TRPS1: variants seen among roughly 807,000 people sequenced by gnomAD.
TRPS1 encodes the protein transcriptional repressor GATA binding 1.
TRPS1 carries 6 observed loss-of-function variants against 101.2 expected under a neutral mutation model. The observed-to-expected ratio is 0.06, with a 90% CI of 0.03 to 0.12. The LOEUF (loss-of-function observed/expected upper bound fraction) is 0.12, where lower values mean the gene tolerates loss of function less well. Among genes scored for constraint, TRPS1 ranks in the 10% least tolerant of loss-of-function variants. The pLI is 1.00. For missense variants in TRPS1, 1,363 were observed against 1,567.0 expected, an observed-to-expected ratio of 0.87 and a Z score of 2.20; for synonymous variants, 578 against 589.8, an observed-to-expected ratio of 0.98 and a Z score of 0.29.
chr8:115,563,287 T>G (rs1816991211), intron 5 of TRPS1, among the ~76,000 whole-genome samples: 1 of 152,018 alleles, frequency 6.6e-6, no homozygotes, highest in Non-Finnish European at 1.5e-5. Context: ...CATTTTCTTA[T>G]TCACCACTTA....
Position 115,604,382 on chromosome 8 carries a change from C to T in TRPS1, c.1587G>A (p.Glu529=), listed in dbSNP as rs556156448. Residue 529 remains glutamate (E), a synonymous_variant, in exon 4 of 7, where the codon GAG becomes GAA. Coordinates refer to ENST00000395715, the MANE Select transcript of TRPS1 (RefSeq NM_014112.5). The surrounding 1 kb of genome is among the most constrained non-coding windows in gnomAD (Gnocchi z 4.1). ...KKKDFSSKGA[E]DNMVTSYNCQ... ...AATTATAGCTCGTTACCATATTATC[C>T]TCGGCTCCCTTGCTGGAGAAGTCCT... is the stretch of plus-strand genomic sequence containing the variant. 47 of 1,613,942 alleles carry T rather than the reference C, an allele frequency of 2.9e-5. 1 individual carries two copies. The highest frequency in any genetic ancestry group is 2.1e-4 in the South Asian group (19 of 91,080).
At chr8:115,569,413 C>G (rs935020139) in intron 5 of TRPS1, among the ~76,000 whole-genome samples, 1 of 152,044 alleles carries the variant, frequency 6.6e-6, no homozygotes, top group African/African-American at 2.4e-5. Context: ...GAGCTCCATG[C>G]CTTTATAGAT....
At chr8:115,462,868 G>C (rs550706647) in intron 5 of TRPS1, among the ~76,000 whole-genome samples, 1 of 152,008 alleles carries the variant, frequency 6.6e-6, no homozygotes, top group South Asian at 2.1e-4. Context: ...GGACAATGGG[G>C]ATATAGCATG....
intron 5 of TRPS1, among the ~76,000 whole-genome samples, chr8:115,559,966 T>C (rs1816909695): frequency 6.6e-6 from 1 of 152,090 alleles, no homozygotes; most frequent in Non-Finnish European, 1.5e-5. Flanking sequence ...CAAATCTTCA[T>C]CTTGACTTTC....
intron 5 of TRPS1, among the ~76,000 whole-genome samples, chr8:115,463,458 C>T (rs1004922165): frequency 2.0e-5 from 3 of 152,136 alleles, no homozygotes; most frequent in African/African-American, 4.8e-5. Flanking sequence ...AATTCCTAGA[C>T]ACAACAATGA....
intron 5 of TRPS1, among the ~76,000 whole-genome samples, chr8:115,490,587 G>A (rs768386635): frequency 5.3e-5 from 8 of 151,968 alleles, no homozygotes; most frequent in Non-Finnish European, 8.8e-5. Flanking sequence ...AATACATTTC[G>A]ATCTTTTATA....
intron 5 of TRPS1, among the ~76,000 whole-genome samples, chr8:115,575,912 A>C (rs539338730): frequency 1.3e-5 from 2 of 152,154 alleles, no homozygotes; most frequent in African/African-American, 2.4e-5. Flanking sequence ...TCATGGACTC[A>C]TAAGAAATTT....
chr8:115,454,704 T>C lies in TRPS1; in HGVS notation c.2701-36252A>G, dbSNP rs138586852. 2.7e-3 allele frequency among the ~76,000 whole-genome samples: 415 copies of C among 152,306 alleles called. 1 individual carries two copies. Among genetic ancestry groups the C allele is most frequent in the African/African-American group, 3.2e-3 (131 of 41,580 alleles). ...AAATTCATAGAATTATTTTGAAATA[T>C]AGAGCTCTTTCAACAAAGAGCTCTA... On this transcript the variant is annotated intron_variant, in intron 5 of 6. Coordinates refer to ENST00000395715, the MANE Select transcript of TRPS1 (RefSeq NM_014112.5).
intron 5 of TRPS1, among the ~76,000 whole-genome samples, chr8:115,518,690 C>T (rs114180374): frequency 2.6e-3 from 395 of 151,922 alleles, no homozygotes; most frequent in African/African-American, 9.2e-3. Flanking sequence ...TTATTAGGGA[C>T]AGTGGATATA....
At chr8:115,606,834 A>C (rs1818049650) in intron 3 of TRPS1, among the ~76,000 whole-genome samples, 1 of 150,244 alleles carries the variant, frequency 6.7e-6, no homozygotes, top group Admixed American at 6.6e-5. Flanking sequence ...AAAAATACAT[A>C]TATATATTTA....
At chr8:115,523,365 T>C (rs1815915479) in intron 5 of TRPS1, among the ~76,000 whole-genome samples, 1 of 152,102 alleles carries the variant, frequency 6.6e-6, no homozygotes, top group Non-Finnish European at 1.5e-5. Flanking sequence ...ACTTGGGGTA[T>C]GTAATGGCTA....
intron 5 of TRPS1, among the ~76,000 whole-genome samples, chr8:115,548,492 G>A (rs557200169): frequency 1.3e-4 from 19 of 151,846 alleles, no homozygotes; most frequent in East Asian, 2.0e-4. Context: ...TGCCCCGCCC[G>A]CCACCACGCC....
intron 4 of TRPS1, among the ~76,000 whole-genome samples, chr8:115,590,974 C>T (rs1045013021): frequency 6.6e-6 from 1 of 150,684 alleles, no homozygotes; most frequent in African/African-American, 2.4e-5. Context: ...AAAAAAAAAA[C>T]ATTTTTAAAA....
chr8:115,620,080 A>C lies in TRPS1; in HGVS notation c.38-20T>G. 6.2e-7 allele frequency: 1 copy of C among 1,610,328 alleles called. No homozygotes were observed. On this transcript the variant is annotated intron_variant, in intron 2 of 6. Transcript: ENST00000395715. ...CCATATCTGCAAAGATAAAGGGAAA[A>C]GGCAGATACAGTGTTATCTGAAAGT...
chr8:115,597,352 T>C (rs1295783381), intron 4 of TRPS1, among the ~76,000 whole-genome samples: 1 of 152,036 alleles, frequency 6.6e-6, no homozygotes, highest in South Asian at 2.1e-4. Context: ...TTTTGTTTGG[T>C]TATGATTGGC....
intron 3 of TRPS1, among the ~76,000 whole-genome samples, chr8:115,616,418 A>G (rs947811498): frequency 1.3e-5 from 2 of 152,076 alleles, no homozygotes; most frequent in Admixed American, 1.3e-4. Context: ...TGTATATCTC[A>G]TATTTGCTCT....
At chr8:115,560,879 G>C (rs1434832909) in intron 5 of TRPS1, among the ~76,000 whole-genome samples, 1 of 152,062 alleles carries the variant, frequency 6.6e-6, no homozygotes, top group Non-Finnish European at 1.5e-5. Context: ...TCAGCTTAAA[G>C]GCAGAAAGCT....
At chr8:115,517,014 T>C (rs1815729115) in intron 5 of TRPS1, among the ~76,000 whole-genome samples, 3 of 151,594 alleles carry the variant, frequency 2.0e-5, no homozygotes, top group Non-Finnish European at 4.4e-5. Flanking sequence ...AAAATTCCTT[T>C]TCCGGAGTCT....
intron 5 of TRPS1, among the ~76,000 whole-genome samples, chr8:115,499,931 C>CTT (rs991137396): frequency 4.2e-5 from 4 of 95,188 alleles, no homozygotes; most frequent in African/African-American, 1.9e-4. Flanking sequence ...TTCTTTCTTT[C>CTT]TTTCTTTCTT....
Sources: gnomAD v4.1 joint callset for allele counts (sites outside exome capture counted in the v4.1 genomes callset) on GRCh38, gnomAD v4.1.1 for gene constraint, Gnocchi (gnomAD v3.1) non-coding constraint, MANE v1.5 for transcripts, NCBI Gene and HGNC (gene_info 2026-07-23, HGNC 2026-07-21) for gene names.